CEP85L: variants seen among roughly 807,000 people sequenced by gnomAD.
The protein encoded by CEP85L is centrosomal protein 85L.
Under a neutral mutation model 100.3 loss-of-function variants are expected in CEP85L, and 60 were observed. That is an observed-to-expected ratio of 0.60 (90% CI 0.49 to 0.74). The LOEUF is 0.74. Among genes scored for constraint, CEP85L ranks in the 30% least tolerant of loss-of-function variants. The pLI is 0.00. For synonymous variants in CEP85L, 319 were observed against 322.7 expected (o/e 0.99, Z 0.12); for missense variants, 973 against 936.2 (o/e 1.04, Z -0.51).
At chr6:118,509,263 G>A (rs1330575427) in intron 5 of CEP85L, among the ~76,000 whole-genome samples, 7 of 151,900 alleles carry the variant, frequency 4.6e-5, no homozygotes, top group Admixed American at 3.9e-4. Flanking sequence ...ACATGCTTTC[G>A]ATAATATGAT....
intron 2 of CEP85L, among the ~76,000 whole-genome samples, chr6:118,581,041 T>G (rs1476376953): frequency 6.6e-6 from 1 of 152,162 alleles, no homozygotes; most frequent in South Asian, 2.1e-4. Context: ...ATCCTCTACA[T>G]GAGGCACTTT....
At chr6:118,470,401 G>T (rs1772859935) in intron 11 of CEP85L, 136 bp downstream of exon 11, 3 of 456,572 alleles carry the variant, frequency 6.6e-6, no homozygotes, top group Non-Finnish European at 1.2e-5. Flanking sequence ...AATAATTTTG[G>T]TAAGAAACAA....
chr6:118,485,264 A>G (rs1392317968), intron 6 of CEP85L, among the ~76,000 whole-genome samples: 3 of 152,202 alleles, frequency 2.0e-5, no homozygotes, highest in Non-Finnish European at 1.5e-5. Flanking sequence ...GTGTTTTCCC[A>G]TATTCACTGG....
chr6:118,613,672 G>A (rs1370091762), intron 2 of CEP85L, among the ~76,000 whole-genome samples: 4 of 146,116 alleles, frequency 2.7e-5, no homozygotes, highest in East Asian at 2.1e-4. Context: ...AAGGAGAATC[G>A]CTTGAACCCA....
At chr6:118,656,449 T>C (rs932789682), upstream of CEP85L, among the ~76,000 whole-genome samples, 4 of 152,318 alleles carry the variant, frequency 2.6e-5, no homozygotes, top group East Asian at 7.7e-4. Context: ...AGGAGGATGC[T>C]GAAGTTTGAG....
At chr6:118,600,599 CAT>C (rs1781734744) in intron 2 of CEP85L, among the ~76,000 whole-genome samples, 1 of 151,080 alleles carries the variant, frequency 6.6e-6, no homozygotes. Flanking sequence ...TGGGATTACA[CAT>C]GTGAGCCACC....
At chr6:118,468,962 T>G in intron 12 of CEP85L, 110 bp downstream of exon 12, 2 of 709,136 alleles carry the variant, frequency 2.8e-6, no homozygotes, top group Non-Finnish European at 4.8e-6. Flanking sequence ...TGATTCTAAG[T>G]AGGAAAAGAG....
chr6:118,645,303 C>T (rs2115364234), intron 1 of CEP85L, among the ~76,000 whole-genome samples: 1 of 152,328 alleles, frequency 6.6e-6, no homozygotes, highest in Non-Finnish European at 1.5e-5. Context: ...CCTCACCAAT[C>T]TTCTTTTCCT....
chr6:118,600,713 G>A (rs1340380594), intron 2 of CEP85L, among the ~76,000 whole-genome samples: 3 of 151,274 alleles, frequency 2.0e-5, no homozygotes, highest in African/African-American at 7.3e-5. Flanking sequence ...GCCCCTTGGG[G>A]TCTGCTAACA....
At chr6:118,579,410 A>G (rs558946682) in intron 2 of CEP85L, among the ~76,000 whole-genome samples, 1 of 152,156 alleles carries the variant, frequency 6.6e-6, no homozygotes, top group South Asian at 2.1e-4. Flanking sequence ...AAAAAAAATT[A>G]GAATTTTTTT....
intron 3 of CEP85L, among the ~76,000 whole-genome samples, chr6:118,552,108 T>TTA (rs1189846593): frequency 6.6e-6 from 1 of 152,030 alleles, no homozygotes; most frequent in African/African-American, 2.4e-5. Flanking sequence ...GGAAAAAACA[T>TTA]CCTAGAGTAT....
At chr6:118,631,648 G>A (rs1369162208) in intron 2 of CEP85L, among the ~76,000 whole-genome samples, 5 of 152,164 alleles carry the variant, frequency 3.3e-5, no homozygotes, top group Non-Finnish European at 7.3e-5. Context: ...TCAATAAAAA[G>A]GAATGGACTG....
At chr6:118,635,779 C>A (rs987274204) in intron 1 of CEP85L, among the ~76,000 whole-genome samples, 1 of 152,146 alleles carries the variant, frequency 6.6e-6, no homozygotes, top group African/African-American at 2.4e-5. Context: ...GTTGACAAGT[C>A]TTGGCCAATA....
chr6:118,613,003 G>T (rs957171465), intron 2 of CEP85L, among the ~76,000 whole-genome samples: 3 of 151,996 alleles, frequency 2.0e-5, no homozygotes, highest in African/African-American at 4.8e-5. Context: ...CGGATCGCCT[G>T]AAGTCAGGAG....
intron 5 of CEP85L, chr6:118,501,803 G>C: frequency 8.6e-7 from 1 of 1,162,024 alleles, no homozygotes; most frequent in Non-Finnish European, 1.3e-6. Context: ...GATGGAGGCT[G>C]CTGGCTGAGA....
upstream of CEP85L, chr6:118,656,646 A>G (rs965514285): frequency 7.2e-5 from 11 of 152,228 alleles, no homozygotes; most frequent in African/African-American, 2.7e-4. Context: ...TTATTGATAC[A>G]TAATAGATGT....
At chr6:118,551,872 C>A (rs1430298165) in intron 3 of CEP85L, among the ~76,000 whole-genome samples, 1 of 151,956 alleles carries the variant, frequency 6.6e-6, no homozygotes, top group Non-Finnish European at 1.5e-5. Flanking sequence ...GAAAATGACT[C>A]CACTGGAGTG....
upstream of CEP85L, chr6:118,652,516 C>T (rs1006187117): frequency 1.5e-6 from 2 of 1,378,114 alleles, no homozygotes; most frequent in Non-Finnish European, 1.9e-6. Context: ...GCCCATCACT[C>T]AGAGGTAAGT....
intron 3 of CEP85L, among the ~76,000 whole-genome samples, chr6:118,564,794 T>G (rs1779409311): frequency 1.3e-5 from 2 of 152,170 alleles, no homozygotes; most frequent in Admixed American, 1.3e-4. Flanking sequence ...ATGACAGGAC[T>G]TATATCAGAA....
Sources: gnomAD v4.1 joint callset for allele counts (sites outside exome capture counted in the v4.1 genomes callset) on GRCh38, gnomAD v4.1.1 for gene constraint, MANE v1.5 for transcripts, NCBI Gene and HGNC (gene_info 2026-07-23, HGNC 2026-07-21) for gene names.